DOCK2: variants seen among roughly 807,000 people sequenced by gnomAD.
DOCK2 encodes dedicator of cytokinesis 2.
A neutral mutation model predicts 248.9 loss-of-function variants in DOCK2; 87 were observed. The observed-to-expected ratio is 0.35, with a 90% CI of 0.29 to 0.42. DOCK2 has a LOEUF of 0.42. Among genes scored for constraint, DOCK2 ranks in the 10% least tolerant of loss-of-function variants. The probability of loss-of-function intolerance (pLI) is 1.00; values close to 1 mark genes in which losing one functional copy is unlikely to be tolerated. For synonymous variants in DOCK2, 805 were observed against 821.6 expected (o/e 0.98, Z 0.35); for missense variants, 1,747 against 2,300.2 (o/e 0.76, Z 4.92).
intron 5 of DOCK2, among the ~76,000 whole-genome samples, chr5:169,672,150 G>C (rs538501760): frequency 6.6e-6 from 1 of 152,116 alleles, no homozygotes; most frequent in African/African-American, 2.4e-5. Context: ...GGGATTACAG[G>C]TGCCCGCCAC....
intron 27 of DOCK2, among the ~76,000 whole-genome samples, chr5:169,973,404 G>T (rs1258738819): frequency 1.3e-5 from 2 of 152,154 alleles, no homozygotes. Context: ...AGCATTGCAA[G>T]AAGTCTTTCT....
intron 26 of DOCK2, among the ~76,000 whole-genome samples, chr5:169,834,697 T>C (rs1278690440): frequency 6.6e-6 from 1 of 150,460 alleles, no homozygotes; most frequent in East Asian, 1.9e-4. Context: ...TCCAGCTAAA[T>C]GTCCCAACCA....
At chr5:169,883,457 G>C (rs1772786776) in intron 27 of DOCK2, 1 of 1,551,528 alleles carries the variant, frequency 6.4e-7, no homozygotes, top group Non-Finnish European at 8.7e-7. Flanking sequence ...AAGTAGGCAA[G>C]GTCAGAAGAC....
intron 25 of DOCK2, among the ~76,000 whole-genome samples, chr5:169,787,143 G>A (rs1358583341): frequency 6.6e-6 from 1 of 152,158 alleles, no homozygotes; most frequent in Non-Finnish European, 1.5e-5. Context: ...GACAATAACC[G>A]ATATTCCACT....
intron 2 of DOCK2, among the ~76,000 whole-genome samples, chr5:169,657,361 A>G (rs1758181543): frequency 6.6e-6 from 1 of 152,238 alleles, no homozygotes. Flanking sequence ...AAATTAGTCA[A>G]AACTGTGTAG....
At chr5:170,005,291 A>G (rs1754984858) in intron 30 of DOCK2, among the ~76,000 whole-genome samples, 1 of 152,212 alleles carries the variant, frequency 6.6e-6, no homozygotes, top group South Asian at 2.1e-4. Flanking sequence ...GACCTTTTGA[A>G]GAATTTCTGT....
intron 29 of DOCK2, among the ~76,000 whole-genome samples, chr5:169,993,692 T>A (rs1778266036): frequency 6.6e-6 from 1 of 152,044 alleles, no homozygotes. Context: ...CTGCAGATAC[T>A]CCACCCACCG....
At chr5:170,079,708 G>A (rs1757958578) in intron 49 of DOCK2, 1 of 163,024 alleles carries the variant, frequency 6.1e-6, no homozygotes, top group Non-Finnish European at 1.3e-5. Flanking sequence ...CTGGAAAAGA[G>A]GTTTGTTGGA....
Position 169,823,857 on chromosome 5 carries a change from T to C in DOCK2, c.2704-16900T>C, listed in dbSNP as rs576498293. Among the ~76,000 whole-genome samples, 244 of 152,292 alleles carry C rather than the reference T, an allele frequency of 1.6e-3. 1 individual carries two copies. The highest frequency in any genetic ancestry group is 5.7e-3 in the African/African-American group (237 of 41,550). ...TCCCTGTTTGCAGATGACATGATTGTATATCTAGAAAACCCCATTGTCTCA... is the reference window on the plus strand; with the variant it reads ...TCCCTGTTTGCAGATGACATGATTGCATATCTAGAAAACCCCATTGTCTCA... On this transcript the variant is annotated intron_variant, in intron 26 of 51. Coordinates refer to ENST00000520908, the MANE Select transcript of DOCK2 (RefSeq NM_004946.3).
At chr5:169,650,723 G>A (rs1757756825) in intron 1 of DOCK2, among the ~76,000 whole-genome samples, 1 of 152,158 alleles carries the variant, frequency 6.6e-6, no homozygotes. Context: ...CCATACTTGG[G>A]AACATCCCTT....
chr5:169,717,299 T>C, intron 20 of DOCK2, 85 bp from the exon 21 acceptor site: 2 of 1,112,504 alleles, frequency 1.8e-6, no homozygotes, highest in East Asian at 4.7e-5. Context: ...CAAAGGATTT[T>C]AATGGGGGTT....
At chr5:169,758,810 T>C (rs1277914632) in intron 23 of DOCK2, among the ~76,000 whole-genome samples, 1 of 152,342 alleles carries the variant, frequency 6.6e-6, no homozygotes, top group East Asian at 1.9e-4. Flanking sequence ...ATGTTAAGAA[T>C]CTCAGTTGTA....
At chr5:169,683,107 T>C (rs1253955355) in intron 7 of DOCK2, among the ~76,000 whole-genome samples, 1 of 152,268 alleles carries the variant, frequency 6.6e-6, no homozygotes, top group Non-Finnish European at 1.5e-5. Context: ...AAACAAATCC[T>C]TGTGCGGACA....
intron 27 of DOCK2, among the ~76,000 whole-genome samples, chr5:169,977,836 C>A (rs935349421): frequency 3.9e-5 from 6 of 152,300 alleles, no homozygotes; most frequent in African/African-American, 1.4e-4. Flanking sequence ...GTTTTAGAGT[C>A]CCTGTTTTTC....
At chr5:169,757,640 A>C (rs1467884818) in intron 23 of DOCK2, among the ~76,000 whole-genome samples, 1 of 152,238 alleles carries the variant, frequency 6.6e-6, no homozygotes. Context: ...TTTCTATGCA[A>C]TGGAACAACA....
chr5:169,699,543 C>T, intron 12 of DOCK2, 85 bp downstream of exon 12: 3 of 1,326,748 alleles, frequency 2.3e-6, no homozygotes, highest in Non-Finnish European at 3.2e-6. Context: ...AATCCTGAAC[C>T]CTGGGATACT....
chr5:169,644,271 T>G (rs1049322674), intron 1 of DOCK2, among the ~76,000 whole-genome samples: 15 of 152,118 alleles, frequency 9.9e-5, no homozygotes, highest in African/African-American at 3.1e-4. Context: ...TTATGGTGCA[T>G]TAATCAGGGG....
intron 32 of DOCK2, among the ~76,000 whole-genome samples, chr5:170,014,636 TTG>T (rs1491566570): frequency 3.6e-3 from 64 of 17,564 alleles, no homozygotes; most frequent in African/African-American, 0.02. Flanking sequence ...GAGACATGTG[TTG>T]GGGGGGGTAG....
At chr5:169,893,192 G>A (rs1773395427) in intron 27 of DOCK2, among the ~76,000 whole-genome samples, 1 of 152,214 alleles carries the variant, frequency 6.6e-6, no homozygotes, top group Non-Finnish European at 1.5e-5. Context: ...CACCTGCCCT[G>A]TAGGGACAAT....
Sources: gnomAD v4.1 joint callset for allele counts (sites outside exome capture counted in the v4.1 genomes callset) on GRCh38, gnomAD v4.1.1 for gene constraint, MANE v1.5 for transcripts, NCBI Gene and HGNC (gene_info 2026-07-23, HGNC 2026-07-21) for gene names.